The following ARHGEF4 variants were observed in gnomAD, a reference collection of about 807,000 sequenced individuals.
ARHGEF4 encodes APC-stimulated guanine nucleotide exchange factor 1.
Under a neutral mutation model 162.0 loss-of-function variants are expected in ARHGEF4, and 119 were observed. That is an observed-to-expected ratio of 0.73 (90% CI 0.63 to 0.86). The LOEUF (loss-of-function observed/expected upper bound fraction) is 0.86. Among genes scored for constraint, ARHGEF4 ranks in the 40% least tolerant of loss-of-function variants. ARHGEF4 has a pLI of 0.00. For synonymous variants in ARHGEF4, 1,014 were observed against 979.9 expected, an observed-to-expected ratio of 1.03 and a Z score of -0.65; for missense variants, 2,488 against 2,456.0, an observed-to-expected ratio of 1.01 and a Z score of -0.28.
At chr2:130,996,228 G>A (rs1390522861) in intron 4 of ARHGEF4, among the ~76,000 whole-genome samples, 1 of 152,122 alleles carries the variant, frequency 6.6e-6, no homozygotes, top group Non-Finnish European at 1.5e-5. Flanking sequence ...ATCAGGAATG[G>A]GCACCCTGGC....
At chr2:131,006,702 T>G (rs2105323342) in intron 4 of ARHGEF4, among the ~76,000 whole-genome samples, 1 of 152,368 alleles carries the variant, frequency 6.6e-6, no homozygotes, top group Admixed American at 6.5e-5. Flanking sequence ...CCTCTGGTCT[T>G]GCCTGGACTG....
chr2:131,029,204 C>G (rs1689675402), intron 5 of ARHGEF4, among the ~76,000 whole-genome samples: 2 of 151,900 alleles, frequency 1.3e-5, no homozygotes, highest in Admixed American at 6.6e-5. Flanking sequence ...ACTAAAAATA[C>G]AAAAATTAGC....
chr2:130,996,400 T>C (rs1321510797), intron 4 of ARHGEF4, among the ~76,000 whole-genome samples: 5 of 152,250 alleles, frequency 3.3e-5, no homozygotes, highest in Admixed American at 1.3e-4. Context: ...CACTAGTGAA[T>C]TTTTTGAATT....
At chr2:130,885,338 C>T (rs756367544) in intron 1 of ARHGEF4, among the ~76,000 whole-genome samples, 2 of 152,032 alleles carry the variant, frequency 1.3e-5, no homozygotes, top group Non-Finnish European at 2.9e-5. Context: ...AAAGAACTAA[C>T]ATGTTTTTAG....
intron 1 of ARHGEF4, among the ~76,000 whole-genome samples, chr2:130,880,831 A>ATT (rs769216855): frequency 6.9e-6 from 1 of 145,562 alleles, no homozygotes; most frequent in East Asian, 2.0e-4. Context: ...ACCCGGCCAA[A>ATT]TTTTTTTTTT....
chr2:130,856,715 A>C (rs961278467), intron 1 of ARHGEF4, among the ~76,000 whole-genome samples: 9 of 152,230 alleles, frequency 5.9e-5, no homozygotes, highest in Non-Finnish European at 8.8e-5. Context: ...ATGACGAGTT[A>C]ATGGGTGCAG....
chr2:130,915,959 C>A lies in ARHGEF4; in HGVS notation c.2013C>A (p.Gly671=), dbSNP rs143866061. The A allele has an allele frequency of 1.4e-3, 2,158 of 1,550,530 alleles. 30 individuals are homozygous for A. The African/African-American group carries it at 0.024, about 17-fold the overall frequency. ...GACCAGAATCTCCCTTGAGCACTGGCGAGACCCCCTGTGAGTCTCCCACTA... is the reference window on the plus strand; with the variant it reads ...GACCAGAATCTCCCTTGAGCACTGGAGAGACCCCCTGTGAGTCTCCCACTA... ...KERPESPLST[G]ETPCESPTRG... Residue 671 remains glycine, a synonymous_variant, in exon 2 of 14, where the codon GGC becomes GGA. Coordinates refer to ENST00000409359, the MANE Select transcript of ARHGEF4 (RefSeq NM_001367493.1).
chr2:131,045,242 C>T (rs866317703), intron 12 of ARHGEF4, 127 bp from the exon 13 acceptor site: 10 of 888,616 alleles, frequency 1.1e-5, no homozygotes, highest in Middle Eastern at 3.6e-4. Context: ...CAACAGTCCC[C>T]GCTGTGGCCA....
At chr2:130,918,811 A>G (rs1232689448) in intron 2 of ARHGEF4, among the ~76,000 whole-genome samples, 1 of 152,164 alleles carries the variant, frequency 6.6e-6, no homozygotes, top group African/African-American at 2.4e-5. Flanking sequence ...GCAGTTAAAC[A>G]CTAAAGGTTT....
chr2:130,964,284 C>T (rs2105199599), intron 4 of ARHGEF4: 1 of 985,290 alleles, frequency 1.0e-6, no homozygotes, highest in Non-Finnish European at 1.2e-6. Flanking sequence ...CGCACGCGCC[C>T]TCCGCGCCCG....
chr2:130,911,867 C>T (rs765203458), intron 1 of ARHGEF4, among the ~76,000 whole-genome samples: 4 of 152,238 alleles, frequency 2.6e-5, no homozygotes, highest in African/African-American at 7.2e-5. Context: ...GCATTCTAGT[C>T]ACCAGGGTCC....
chr2:130,848,755 G>T (rs931333142), intron 1 of ARHGEF4, among the ~76,000 whole-genome samples: 2 of 152,174 alleles, frequency 1.3e-5, no homozygotes, highest in Non-Finnish European at 2.9e-5. Context: ...AGGGAGACCA[G>T]GCCCCGAGGG....
At chr2:130,907,691 C>T (rs1473740425) in intron 1 of ARHGEF4, among the ~76,000 whole-genome samples, 5 of 151,848 alleles carry the variant, frequency 3.3e-5, no homozygotes, top group African/African-American at 4.8e-5. Flanking sequence ...CGGTGGCCCA[C>T]GCCTGTAATC....
intron 1 of ARHGEF4, among the ~76,000 whole-genome samples, chr2:130,901,745 T>G (rs1680502380): frequency 6.6e-6 from 1 of 152,146 alleles, no homozygotes; most frequent in East Asian, 1.9e-4. Flanking sequence ...GGTCACGTAC[T>G]CCTGACCTCA....
In ARHGEF4 at chr2:130,916,026, GC is replaced by G; in HGVS notation, c.2085del (p.Ile696TyrfsTer102). 6.4e-7 allele frequency: 1 copy of G among 1,550,464 alleles called. No homozygotes were observed. Among genetic ancestry groups the G allele is most frequent in the South Asian group, 1.2e-5 (1 of 84,038 alleles). On this transcript the variant is annotated frameshift_variant, in exon 2 of 14. Coordinates refer to ENST00000409359, the MANE Select transcript of ARHGEF4 (RefSeq NM_001367493.1). LOFTEE classifies it high-confidence loss of function. ...PAGNECELPAAPIQGAGDGAL... is the reference protein window; with the variant it reads ...PAGNECELPAXPIQGAGDGAL... ...CGGTAATGAGTGTGAGTTGCCAGCA[GC>G]CCCCATACAGGGAGCTGGCGATGGG...
chr2:131,043,495 G>GGGAGC lies in ARHGEF4; in HGVS notation c.5070_5074dup (p.Leu1692ArgfsTer3), dbSNP rs1690981112. On this transcript the variant is annotated frameshift_variant, in exon 11 of 14. Coordinates refer to ENST00000409359, the MANE Select transcript of ARHGEF4 (RefSeq NM_001367493.1). LOFTEE classifies it high-confidence loss of function. Reference sequence around the variant, plus strand: ...AGGAGCTCAGAACTCATCTACTCGGGGGAGCTGACTCGAGTTACACAGCCT... The same window carrying GGGAGC: ...AGGAGCTCAGAACTCATCTACTCGGGGGAGCGGAGCTGACTCGAGTTACACAGCCT... 1 of 1,613,954 alleles carries GGGAGC rather than the reference G, an allele frequency of 6.2e-7. No homozygotes were observed. The highest frequency in any genetic ancestry group is 8.5e-7 in the Non-Finnish European group (1 of 1,180,014).
At chr2:130,976,922 T>G (rs531820610) in intron 4 of ARHGEF4, among the ~76,000 whole-genome samples, 1 of 151,736 alleles carries the variant, frequency 6.6e-6, no homozygotes. Context: ...GTGTATGGTG[T>G]GTTAGTATGT....
rs1291793381 is a variant in ARHGEF4, at chr2:130,914,403, G to T, written c.457G>T (p.Ala153Ser). ...KNGWRAFATVAGEQEAGHLWD... is the reference protein window; with the variant it reads ...KNGWRAFATVSGEQEAGHLWD... ...TGGGTGGCGAGCCTTTGCCACAGTT[G>T]CTGGAGAACAGGAGGCAGGACACCT... Residue 153 changes from alanine (A) to serine (S), a missense_variant, in exon 2 of 14, where the codon GCT (alanine) becomes TCT (serine). This residue lies in a region of ARHGEF4 where 81 missense variants were observed against 125.8 expected (regional missense o/e 0.64). Coordinates refer to ENST00000409359, the MANE Select transcript of ARHGEF4 (RefSeq NM_001367493.1). 1 of 1,443,550 alleles carries T rather than the reference G, an allele frequency of 6.9e-7. No homozygotes were observed. Among genetic ancestry groups the T allele is most frequent in the Non-Finnish European group, 9.1e-7 (1 of 1,104,140 alleles). 89.4% of individuals were successfully genotyped at this position (1,443,550 alleles called of 1,614,324 possible). A position where few individuals can be genotyped will look rare whatever the true frequency, so the allele number is the denominator to read the frequency against.
rs551347992 is a variant in ARHGEF4 at position 130,852,509 on chromosome 2, G to A, written c.39+15517G>A. Among the ~76,000 whole-genome samples the A allele has an allele frequency of 4.6e-5, 7 of 151,690 alleles. No homozygotes were observed. The South Asian group carries it at 8.4e-4, about 18-fold the overall frequency. On this transcript the variant is annotated intron_variant, in intron 1 of 13. Transcript: ENST00000409359. ...TGACTGTGGGGAGTGGGGAGCCATCGGGCCAGACTGTGAGCTGGTGGGGGT... is the reference window on the plus strand; with the variant it reads ...TGACTGTGGGGAGTGGGGAGCCATCAGGCCAGACTGTGAGCTGGTGGGGGT...
Sources: gnomAD v4.1 joint callset for allele counts (sites outside exome capture counted in the v4.1 genomes callset) on GRCh38, gnomAD v4.1.1 for gene constraint, gnomAD v4.1.1 regional missense constraint, MANE v1.5 for transcripts, NCBI Gene and HGNC (gene_info 2026-07-23, HGNC 2026-07-21) for gene names.